The following CNTN6 variants were observed in gnomAD, a reference collection of about 807,000 sequenced individuals.
The protein encoded by CNTN6 is contactin-6.
Under a neutral mutation model 122.8 loss-of-function variants are expected in CNTN6, and 137 were observed. The ratio of observed to expected loss-of-function variants is 1.12; its 90% CI spans 0.97 to 1.29. CNTN6 has a LOEUF of 1.29. Ranked by LOEUF, CNTN6 falls within the 50% of genes most tolerant of loss-of-function variation. The probability of loss-of-function intolerance (pLI) is 0.00; values close to 1 mark genes in which losing one functional copy is unlikely to be tolerated. For synonymous variants in CNTN6, 570 were observed against 426.0 expected (o/e 1.34, Z -4.16); for missense variants, 1,634 against 1,223.4 (o/e 1.34, Z -5.01).
intron 2 of CNTN6, among the ~76,000 whole-genome samples, chr3:1,210,237 T>A (rs1298458089): frequency 6.6e-6 from 1 of 152,112 alleles, no homozygotes; most frequent in Non-Finnish European, 1.5e-5. Context: ...AGAATTACTT[T>A]TCTGTTTTAT....
intron 17 of CNTN6, among the ~76,000 whole-genome samples, 155 bp from the exon 18 acceptor site, chr3:1,382,787 G>C (rs1353455117): frequency 6.6e-6 from 1 of 151,788 alleles, no homozygotes; most frequent in African/African-American, 2.4e-5. Context: ...TTTCTAATTG[G>C]CATTCCAAAT....
At chr3:1,327,395 T>C in intron 9 of CNTN6, 62 bp from the exon 10 acceptor site, 2 of 1,502,968 alleles carry the variant, frequency 1.3e-6, no homozygotes, top group Non-Finnish European at 1.8e-6. Flanking sequence ...TAATAACATA[T>C]CCTGGTTAAG....
At chr3:1,370,723 C>T (rs1302754581) in intron 12 of CNTN6, among the ~76,000 whole-genome samples, 1 of 152,020 alleles carries the variant, frequency 6.6e-6, no homozygotes, top group African/African-American at 2.4e-5. Context: ...TGGTGCGTGC[C>T]TGTAATGCCA....
At chr3:1,389,311 T>C (rs570384660) in intron 20 of CNTN6, among the ~76,000 whole-genome samples, 1 of 152,028 alleles carries the variant, frequency 6.6e-6, no homozygotes, top group Admixed American at 6.5e-5. Flanking sequence ...CCAGCCAAAC[T>C]AAGCTTCATA....
chr3:1,239,919 G>A (rs1460017601), intron 4 of CNTN6, among the ~76,000 whole-genome samples: 1 of 152,152 alleles, frequency 6.6e-6, no homozygotes, highest in Non-Finnish European at 1.5e-5. Flanking sequence ...AATATGCAGT[G>A]TGGAAAGGAC....
intron 4 of CNTN6, among the ~76,000 whole-genome samples, chr3:1,257,371 C>G (rs1227470022): frequency 6.6e-6 from 1 of 152,036 alleles, no homozygotes; most frequent in African/African-American, 2.4e-5. Context: ...CAATTTCTCT[C>G]TCATTTTCTT....
intron 4 of CNTN6, among the ~76,000 whole-genome samples, chr3:1,275,358 A>G (rs1477942705): frequency 1.3e-5 from 2 of 152,166 alleles, no homozygotes; most frequent in Non-Finnish European, 2.9e-5. Context: ...CTTTTTCCCC[A>G]AACTCTACTG....
chr3:1,161,152 CACTT>C (rs754683000), intron 2 of CNTN6, among the ~76,000 whole-genome samples: 46 of 151,708 alleles, frequency 3.0e-4, no homozygotes, highest in Non-Finnish European at 1.0e-4. Context: ...AGCAGGTCCT[CACTT>C]AGTGTTGATG....
intron 12 of CNTN6, among the ~76,000 whole-genome samples, chr3:1,362,046 A>AC (rs1203452474): frequency 6.6e-6 from 1 of 152,152 alleles, no homozygotes; most frequent in Non-Finnish European, 1.5e-5. Context: ...AAGCAGCTCA[A>AC]CCTTGAGTCA....
chr3:1,158,584 T>G (rs1470974830), intron 2 of CNTN6, among the ~76,000 whole-genome samples: 1 of 151,402 alleles, frequency 6.6e-6, no homozygotes, highest in Non-Finnish European at 1.5e-5. Context: ...TCAATTTTTT[T>G]TGGCAGCGGG....
At chr3:1,269,714 T>C (rs996809915) in intron 4 of CNTN6, among the ~76,000 whole-genome samples, 2 of 152,194 alleles carry the variant, frequency 1.3e-5, no homozygotes, top group African/African-American at 4.8e-5. Context: ...ATGAAATGTT[T>C]ACCTCCCTGA....
At chr3:1,175,309 C>T (rs2093428955) in intron 2 of CNTN6, among the ~76,000 whole-genome samples, 1 of 148,894 alleles carries the variant, frequency 6.7e-6, no homozygotes, top group African/African-American at 2.6e-5. Flanking sequence ...AATAACACTA[C>T]CATAAAAAAT....
intron 9 of CNTN6, 60 bp from the exon 10 acceptor site, chr3:1,327,397 C>G: frequency 1.3e-6 from 2 of 1,517,172 alleles, no homozygotes; most frequent in Non-Finnish European, 1.8e-6. Flanking sequence ...ATAACATATC[C>G]TGGTTAAGAG....
intron 2 of CNTN6, among the ~76,000 whole-genome samples, chr3:1,170,257 A>C (rs2093336804): frequency 7.5e-6 from 1 of 134,058 alleles, no homozygotes; most frequent in South Asian, 2.5e-4. Context: ...AAAAAAAAAA[A>C]AAAAAAGCAA....
chr3:1,211,407 G>A (rs1181314423), intron 2 of CNTN6, among the ~76,000 whole-genome samples: 3 of 152,158 alleles, frequency 2.0e-5, no homozygotes, highest in Non-Finnish European at 4.4e-5. Flanking sequence ...AGCCCAGGTT[G>A]TCTGCACTTT....
intron 4 of CNTN6, among the ~76,000 whole-genome samples, chr3:1,262,559 C>G (rs2094863258): frequency 2.0e-5 from 3 of 152,118 alleles, no homozygotes; most frequent in Admixed American, 2.0e-4. Context: ...ATTTCATTTC[C>G]TGGCATGTAA....
intron 11 of CNTN6, among the ~76,000 whole-genome samples, chr3:1,348,067 C>T (rs1031259187): frequency 2.7e-5 from 4 of 147,374 alleles, no homozygotes; most frequent in African/African-American, 7.6e-5. Context: ...TAATGGAGTC[C>T]GGTACAGTGC....
intron 1 of CNTN6, among the ~76,000 whole-genome samples, chr3:1,104,345 CTG>C (rs370331315): frequency 2.0e-5 from 3 of 152,060 alleles, no homozygotes; most frequent in African/African-American, 7.2e-5. Flanking sequence ...AATTATTCCT[CTG>C]TTTTTATAGA....
intron 1 of CNTN6, among the ~76,000 whole-genome samples, chr3:1,111,640 G>A (rs868051522): frequency 6.6e-6 from 1 of 152,252 alleles, no homozygotes; most frequent in Middle Eastern, 3.4e-3. Context: ...GTGAAACAGT[G>A]ATGCTCAACA....
Sources: allele counts gnomAD v4.1 joint callset (sites outside exome capture counted in the v4.1 genomes callset), GRCh38; gene constraint gnomAD v4.1.1; transcripts MANE v1.5; gene names NCBI Gene and HGNC (gene_info 2026-07-23, HGNC 2026-07-21).